The following MBNL3 variants were observed in gnomAD, a reference collection of about 807,000 sequenced individuals.
MBNL3 encodes muscleblind like splicing regulator 3, also known as muscleblind-like protein 3.
Under a neutral mutation model 24.5 loss-of-function variants are expected in MBNL3, and 6 were observed. The observed-to-expected ratio is 0.25, with a 90% confidence interval of 0.13 to 0.48. The LOEUF is 0.48. MBNL3 is among the 20% of genes least tolerant of loss of function. The pLI, the probability that MBNL3 is intolerant of heterozygous loss-of-function variation, is 0.99. For missense variants in MBNL3, 230 were observed against 293.5 expected, an observed-to-expected ratio of 0.78 and a Z score of 1.58; for synonymous variants, 100 against 101.7, an observed-to-expected ratio of 0.98 and a Z score of 0.10.
chrX:132,396,950 A>G (rs1260173226), intron 3 of MBNL3, among the ~76,000 whole-genome samples: 1 of 71,610 alleles, frequency 1.4e-5, no homozygotes, highest in Non-Finnish European at 2.5e-5. Context: ...ATATATATTC[A>G]TATATATTCA....
chrX:132,411,229 C>T, intron 2 of MBNL3: 1 of 754,029 alleles, frequency 1.3e-6, no homozygotes, highest in Non-Finnish European at 1.6e-6. Context: ...TTGACACATC[C>T]CATACACACA....
chrX:132,382,993 G>T (rs1217600202), intron 7 of MBNL3, among the ~76,000 whole-genome samples: 2 of 112,200 alleles, frequency 1.8e-5, no homozygotes, highest in Non-Finnish European at 3.8e-5. Context: ...TAGCTACAAT[G>T]GTTAGCAGCT....
At chrX:132,396,914 A>T (rs376565331) in intron 3 of MBNL3, among the ~76,000 whole-genome samples, 3 of 52,860 alleles carry the variant, frequency 5.7e-5, no homozygotes, top group East Asian at 4.3e-4. Context: ...ATACATATAT[A>T]CATATATATT....
At chrX:132,431,487 T>C (rs1398974928) in intron 2 of MBNL3, 1 of 112,102 alleles carries the variant, frequency 8.9e-6, no homozygotes, top group African/African-American at 3.2e-5. Context: ...GCTACTATGC[T>C]GTCTTGTCAT....
intron 1 of MBNL3, among the ~76,000 whole-genome samples, chrX:132,467,559 T>C (rs1946955524): frequency 8.9e-6 from 1 of 112,317 alleles, no homozygotes; most frequent in Non-Finnish European, 1.9e-5. Context: ...GTCATATGTT[T>C]ACATTTAACA....
Position 132,375,479 on chromosome X carries a change from A to G in MBNL3, c.*4187T>C, listed in dbSNP as rs925785823. On this transcript the variant is annotated 3_prime_UTR_variant, in exon 9 of 9. Coordinates refer to ENST00000370853, the MANE Select transcript of MBNL3 (RefSeq NM_001386889.1). Reference sequence around the variant, plus strand: ...AGTTACTTAGAGCTACAAAAAAGCAATAAAATGAAACCTTAAAGATGAACA... The same window carrying G: ...AGTTACTTAGAGCTACAAAAAAGCAGTAAAATGAAACCTTAAAGATGAACA... 9.0e-6 allele frequency: 1 copy of G among 111,440 alleles called. No individual in the cohort carries two copies. The highest frequency in any genetic ancestry group is 3.3e-5 in the African/African-American group (1 of 30,712). The allele number at this position is 111,440 out of a possible 1,213,427, so 9.2% of individuals were successfully genotyped here. A position where few individuals can be genotyped will look rare whatever the true frequency, so the allele number is the denominator to read the frequency against.
chrX:132,487,089 C>A (rs1411946339), intron 1 of MBNL3, among the ~76,000 whole-genome samples: 1 of 111,704 alleles, frequency 9.0e-6, no homozygotes, highest in Admixed American at 9.5e-5. Context: ...CCTAATTTCT[C>A]TGACACCAGT....
intron 1 of MBNL3, among the ~76,000 whole-genome samples, chrX:132,467,101 A>G (rs1196085182): frequency 8.9e-6 from 1 of 111,920 alleles, no homozygotes; most frequent in African/African-American, 3.3e-5. Context: ...ATCCCTTGAC[A>G]TTATATGCAC....
chrX:132,418,034 A>C (rs2148351645), intron 2 of MBNL3, among the ~76,000 whole-genome samples: 1 of 112,279 alleles, frequency 8.9e-6, no homozygotes, highest in Non-Finnish European at 1.9e-5. Flanking sequence ...TAACTAATTC[A>C]GATCACTTAT....
intron 3 of MBNL3, among the ~76,000 whole-genome samples, chrX:132,396,027 AAAT>A (rs1425230334): frequency 1.8e-5 from 2 of 110,645 alleles, no homozygotes; most frequent in African/African-American, 6.6e-5. Flanking sequence ...TGATTGAAAA[AAAT>A]AAGAGAATAA....
At chrX:132,384,983 CTAAA>C (rs1221848408) in intron 6 of MBNL3, among the ~76,000 whole-genome samples, 1 of 110,830 alleles carries the variant, frequency 9.0e-6, no homozygotes, top group Admixed American at 9.7e-5. Context: ...CAAATACATC[CTAAA>C]TAATTTTTAT....
Position 132,408,092 on chromosome X carries a change from C to CTTTTT in MBNL3, c.178-1705_178-1701dup, listed in dbSNP as rs60044820. Among the ~76,000 whole-genome samples, 18 of 22,570 alleles carry CTTTTT rather than the reference C, an allele frequency of 8.0e-4. 2 individuals carry two copies. Among genetic ancestry groups the CTTTTT allele is most frequent in the Admixed American group, 1.7e-3 (2 of 1,207 alleles). 19.6% of individuals were successfully genotyped at this position (22,570 alleles called of 115,157 possible). On this transcript the variant is annotated intron_variant, in intron 2 of 8. Coordinates refer to ENST00000370853, the MANE Select transcript of MBNL3 (RefSeq NM_001386889.1). ...CCTGACCTCTCTTCTGAATTTCAGT[C>CTTTTT]TTTTTTTTTTTTTTTTTTTTTTTTT...
chrX:132,396,815 C>CAT (rs750288091), intron 3 of MBNL3, among the ~76,000 whole-genome samples: 7 of 6,791 alleles, frequency 1.0e-3, no homozygotes, highest in African/African-American at 1.5e-3. Context: ...TTCATATATA[C>CAT]ATATATATAT....
intron 1 of MBNL3, among the ~76,000 whole-genome samples, chrX:132,456,794 C>T (rs939638381): frequency 2.7e-5 from 3 of 111,786 alleles, no homozygotes; most frequent in African/African-American, 9.8e-5. Context: ...GCTTACTACT[C>T]CCTACCCATG....
chrX:132,422,781 A>G (rs1307411132), intron 2 of MBNL3, among the ~76,000 whole-genome samples: 2 of 111,636 alleles, frequency 1.8e-5, no homozygotes, highest in Non-Finnish European at 3.8e-5. Flanking sequence ...CTCTAAACTA[A>G]TGGTTCCCAA....
chrX:132,476,246 A>T (rs1046343826), intron 1 of MBNL3, among the ~76,000 whole-genome samples: 11 of 110,730 alleles, frequency 9.9e-5, no homozygotes, highest in Non-Finnish European at 1.9e-4. Flanking sequence ...TTTATTTTTT[A>T]AAAAATGTTG....
In MBNL3 at chrX:132,375,629, C is replaced by T. The variant is rs1603011036; in HGVS notation, c.*4037G>A. ...ATGCTATTTATTCTAGTGCCTTCTA[C>T]AGGCACTGGTTAAACAAGGCTACTG... On this transcript the variant is annotated 3_prime_UTR_variant, in exon 9 of 9. Coordinates refer to ENST00000370853, the MANE Select transcript of MBNL3 (RefSeq NM_001386889.1). The T allele has an allele frequency of 2.7e-5, 3 of 111,897 alleles. No homozygotes were observed. The South Asian group carries it at 1.1e-3, about 41-fold the overall frequency. The allele number at this position is 111,897 out of a possible 1,213,427, so 9.2% of individuals were successfully genotyped here.
intron 2 of MBNL3, among the ~76,000 whole-genome samples, chrX:132,408,092 C>CTTTTTTTTTTTT (rs60044820): frequency 1.8e-4 from 4 of 22,572 alleles, no homozygotes; most frequent in Non-Finnish European, 2.4e-4. Flanking sequence ...GAATTTCAGT[C>CTTTTTTTTTTTT]TTTTTTTTTT....
intron 1 of MBNL3, among the ~76,000 whole-genome samples, chrX:132,449,464 C>CTT (rs751006249): frequency 0.24 from 7,076 of 29,401 alleles, 1,249 homozygotes; most frequent in Non-Finnish European, 0.26. Flanking sequence ...GCAACCCCTG[C>CTT]TTTTTTTTTT....
Sources: allele counts gnomAD v4.1 joint callset (sites outside exome capture counted in the v4.1 genomes callset), GRCh38; gene constraint gnomAD v4.1.1; transcripts MANE v1.5; gene names NCBI Gene and HGNC (gene_info 2026-07-23, HGNC 2026-07-21).